The following PIK3R3 variants were observed in gnomAD, a reference collection of about 807,000 sequenced individuals.
PIK3R3 encodes phosphoinositide-3-kinase regulatory subunit 3, also known as phosphatidylinositol 3-kinase regulatory subunit gamma.
In PIK3R3, 64 loss-of-function variants were observed where a neutral mutation model predicts 62.9. The observed-to-expected ratio is 1.02, with a 90% confidence interval of 0.83 to 1.25. PIK3R3 has a LOEUF of 1.25. PIK3R3 is among the 50% of genes most tolerant of loss of function. PIK3R3 has a pLI of 0.00. For synonymous variants in PIK3R3, 165 were observed against 189.0 expected, an observed-to-expected ratio of 0.87 and a Z score of 1.04; for missense variants, 614 against 561.6, an observed-to-expected ratio of 1.09 and a Z score of -0.94.
chr1:46,095,170 T>C (rs762265448), intron 1 of PIK3R3, among the ~76,000 whole-genome samples: 2 of 152,262 alleles, frequency 1.3e-5, no homozygotes, highest in South Asian at 2.1e-4. Flanking sequence ...ATTATTAAGA[T>C]ACATGCATGT....
At chr1:46,085,981 C>T (rs1651014143) in intron 1 of PIK3R3, among the ~76,000 whole-genome samples, 4 of 152,158 alleles carry the variant, frequency 2.6e-5, no homozygotes, top group Admixed American at 2.0e-4. Flanking sequence ...CTCAAGTAAT[C>T]CTTCCGCCTT....
intron 3 of PIK3R3, among the ~76,000 whole-genome samples, chr1:46,074,316 AAC>A (rs869194727): frequency 0.16 from 8,763 of 53,204 alleles, 1,726 homozygotes; most frequent in African/African-American, 0.26. Flanking sequence ...AAAAAAAAAA[AAC>A]CAATAAATTC....
chr1:46,061,957 T>G lies in PIK3R3; in HGVS notation c.736A>C (p.Arg246=), dbSNP rs778018508. The G allele has an allele frequency of 1.7e-5, 27 of 1,613,474 alleles. No homozygotes were observed. The highest frequency in any genetic ancestry group is 3.3e-4 in the Middle Eastern group (2 of 6,082). The change falls in exon 6 of 10, where the codon AGA becomes CGA. Residue 246 remains arginine, a synonymous_variant. Transcript: ENST00000262741. ...TCAATCTCCTTTTCATTCCCCTCTC[T>G]GCGAAATCGCTCAATATATTCTTTG... The part of the protein sequence containing the change: ...HSKEYIERFR[R]EGNEKEIERI...
chr1:46,059,466 C>G (rs1319042602), intron 6 of PIK3R3, among the ~76,000 whole-genome samples: 1 of 152,150 alleles, frequency 6.6e-6, no homozygotes, highest in East Asian at 1.9e-4. Flanking sequence ...TACTCTGAAC[C>G]CTTATGGTAA....
At chr1:46,112,894 G>A (rs897374432) in intron 1 of PIK3R3, among the ~76,000 whole-genome samples, 1 of 151,974 alleles carries the variant, frequency 6.6e-6, no homozygotes, top group African/African-American at 2.4e-5. Context: ...TCCTCAACTT[G>A]CTTCTCTTGG....
rs777668187 is a variant in PIK3R3, at chr1:46,071,759, A to AGAGAGAGCGAGCGAGC, written c.315-4669_315-4668insGCTCGCTCGCTCTCTC. Among the ~76,000 whole-genome samples, 219 of 100,120 alleles carry AGAGAGAGCGAGCGAGC rather than the reference A, an allele frequency of 2.2e-3. 4 individuals carry two copies. The highest frequency in any genetic ancestry group is 7.8e-3 in the African/African-American group (215 of 27,668). 65.7% of individuals were successfully genotyped at this position (100,120 alleles called of 152,430 possible). ...GAGAGAGAGAGAGAGAGAGAGAGAG[A>AGAGAGAGCGAGCGAGC]GCGCGCGCCTGATCACAATTTCCCT... On this transcript the variant is annotated intron_variant, in intron 3 of 9. Coordinates refer to ENST00000262741, the MANE Select transcript of PIK3R3 (RefSeq NM_003629.4).
At chr1:46,059,561 T>C (rs895649974) in intron 6 of PIK3R3, among the ~76,000 whole-genome samples, 3 of 152,198 alleles carry the variant, frequency 2.0e-5, no homozygotes, top group Admixed American at 1.3e-4. Context: ...ACACCTGTAA[T>C]CCCAGCACTT....
chr1:46,087,440 C>T (rs1651178615), intron 1 of PIK3R3, among the ~76,000 whole-genome samples: 1 of 151,950 alleles, frequency 6.6e-6, no homozygotes, highest in Non-Finnish European at 1.5e-5. Flanking sequence ...AGGTAGATTC[C>T]CCTATCCCTT....
At position 46,043,804 on chromosome 1, in the gene PIK3R3, A is replaced by C; in HGVS notation, c.1255T>G (p.Tyr419Asp). The C allele has an allele frequency of 6.2e-7, 1 of 1,614,150 alleles. No homozygotes were observed. The highest frequency in any genetic ancestry group is 8.5e-7 in the Non-Finnish European group (1 of 1,179,970). Reference sequence around the variant, plus strand: ...TCCTTCAGAGAGCTGTACAGGTTGTAGGGCTCTGCAAAGCCATAGCCCCGA... The same window carrying C: ...TCCTTCAGAGAGCTGTACAGGTTGTCGGGCTCTGCAAAGCCATAGCCCCGA... Reference protein sequence around the residue: ...TARGYGFAEPYNLYSSLKELV... With the variant: ...TARGYGFAEPDNLYSSLKELV... Residue 419 changes from tyrosine to aspartate, a missense_variant, in exon 10 of 10, where the codon TAC (tyrosine) becomes GAC (aspartate). Tyr to Asp is a radical substitution (Grantham distance 160). Transcript: ENST00000262741.
chr1:46,106,724 G>A (rs976942666), intron 1 of PIK3R3, among the ~76,000 whole-genome samples: 2 of 152,096 alleles, frequency 1.3e-5, no homozygotes, highest in Admixed American at 1.3e-4. Context: ...ATACCCCAGG[G>A]ATCAGCAAAT....
At chr1:46,097,775 G>A (rs921236099) in intron 1 of PIK3R3, among the ~76,000 whole-genome samples, 2 of 151,726 alleles carry the variant, frequency 1.3e-5, no homozygotes, top group Admixed American at 6.6e-5. Flanking sequence ...TGTAATCCCA[G>A]CTACTCAGGA....
rs570469864 is a variant in PIK3R3, at chr1:46,091,277, A to T, written c.107-10527T>A. ...TGTCTCAGCCTCCCAAGGAGCTGGGACTATAGGCACGTGCTATCACGCCCA... is the reference window on the plus strand; with the variant it reads ...TGTCTCAGCCTCCCAAGGAGCTGGGTCTATAGGCACGTGCTATCACGCCCA... On this transcript the variant is annotated intron_variant, in intron 1 of 9. Transcript: ENST00000262741. Among the ~76,000 whole-genome samples, 745 of 151,196 alleles carry T rather than the reference A, an allele frequency of 4.9e-3. 10 individuals carry two copies. The highest frequency in any genetic ancestry group is 3.4e-3 in the Non-Finnish European group (230 of 67,894).
the PIK3R3 span, among the ~76,000 whole-genome samples, chr1:46,162,091 C>CAA: frequency 7.6e-3 from 442 of 58,092 alleles, 4 homozygotes; most frequent in East Asian, 0.042. Context: ...GACTCCGTCT[C>CAA]AAAAAAAAAA....
At chr1:46,081,066 T>C (rs985630018) in intron 1 of PIK3R3, among the ~76,000 whole-genome samples, 3 of 152,116 alleles carry the variant, frequency 2.0e-5, no homozygotes, top group Non-Finnish European at 4.4e-5. Flanking sequence ...AAGTGACCAA[T>C]GTACAACATG....
intron 1 of PIK3R3, among the ~76,000 whole-genome samples, chr1:46,121,757 G>A (rs891259474): frequency 1.3e-5 from 2 of 152,084 alleles, no homozygotes; most frequent in Non-Finnish European, 2.9e-5. Context: ...AGGCAATCTG[G>A]CCCACAAACA....
In PIK3R3 at chr1:46,041,800, A is replaced by G. The variant is rs1647001560; in HGVS notation, c.*1873T>C. 1 of 209,474 alleles carries G rather than the reference A, an allele frequency of 4.8e-6. No homozygotes were observed. Among genetic ancestry groups the G allele is most frequent in the African/African-American group, 2.3e-5 (1 of 44,042 alleles). The allele number at this position is 209,474 out of a possible 1,614,324, so 13.0% of individuals were successfully genotyped here. ...GGTTCATTTGTCTCTGTCTCACCCA[A>G]TCCTGAAACTGCAGTGTAACCAAGA... On this transcript the variant is annotated 3_prime_UTR_variant, in exon 10 of 10. Coordinates refer to ENST00000262741, the MANE Select transcript of PIK3R3 (RefSeq NM_003629.4).
intron 1 of PIK3R3, among the ~76,000 whole-genome samples, chr1:46,090,640 A>G (rs1212106742): frequency 2.0e-5 from 3 of 152,106 alleles, no homozygotes; most frequent in African/African-American, 7.2e-5. Flanking sequence ...GCCTCCACAC[A>G]GTCATTATTA....
the PIK3R3 span, among the ~76,000 whole-genome samples, chr1:46,150,663 C>CT: frequency 2.0e-5 from 3 of 152,162 alleles, no homozygotes; most frequent in African/African-American, 7.2e-5. Context: ...AATTAAAACT[C>CT]TAAGTTAGAG....
At chr1:46,050,294 G>A (rs1022315724) in intron 7 of PIK3R3, among the ~76,000 whole-genome samples, 2 of 152,062 alleles carry the variant, frequency 1.3e-5, no homozygotes, top group Non-Finnish European at 2.9e-5. Context: ...GCCAGGTGCG[G>A]TGGCTCATGC....
Sources: gnomAD v4.1 joint callset for allele counts (sites outside exome capture counted in the v4.1 genomes callset) on GRCh38, gnomAD v4.1.1 for gene constraint, MANE v1.5 for transcripts, NCBI Gene and HGNC (gene_info 2026-07-23, HGNC 2026-07-21) for gene names.